PPP1R21: variants seen among roughly 807,000 people sequenced by gnomAD.
PPP1R21 encodes the protein KLRAQ motif containing 1.
A neutral mutation model predicts 112.8 loss-of-function variants in PPP1R21; 85 were observed. The ratio of observed to expected loss-of-function variants is 0.75; its 90% CI spans 0.63 to 0.90. The LOEUF is 0.90. PPP1R21 is among the 40% of genes least tolerant of loss of function. PPP1R21 has a pLI of 0.00. For synonymous variants in PPP1R21, 381 were observed against 322.3 expected, an observed-to-expected ratio of 1.18 and a Z score of -1.95; for missense variants, 1,199 against 901.5, an observed-to-expected ratio of 1.33 and a Z score of -4.23.
intron 18 of PPP1R21, 67 bp from the exon 19 acceptor site, chr2:48,507,202 T>TG: frequency 1.5e-6 from 2 of 1,369,342 alleles, no homozygotes; most frequent in Non-Finnish European, 1.9e-6. Context: ...CTTTTTTTTT[T>TG]TTTTTTTCTA....
intron 19 of PPP1R21, among the ~76,000 whole-genome samples, chr2:48,507,768 T>TTTTTTTTTTTTTTTTG (rs1670452334): frequency 8.4e-6 from 1 of 119,556 alleles, no homozygotes. Context: ...TTTTTTTTTT[T>TTTTTTTTTTTTTTTTG]TTTTTTTTTT....
chr2:48,466,209 G>GTT (rs973234791), intron 9 of PPP1R21, among the ~76,000 whole-genome samples: 2 of 145,566 alleles, frequency 1.4e-5, no homozygotes, highest in Non-Finnish European at 1.5e-5. Context: ...TATCAGGGAG[G>GTT]TTTTTTTTTT....
At chr2:48,463,975 G>T (rs1295193691) in intron 7 of PPP1R21, among the ~76,000 whole-genome samples, 1 of 152,134 alleles carries the variant, frequency 6.6e-6, no homozygotes, top group Non-Finnish European at 1.5e-5. Flanking sequence ...TAGATGCCAT[G>T]GGAAATAAAA....
chr2:48,467,712 T>G (rs1177661584), intron 9 of PPP1R21, among the ~76,000 whole-genome samples: 1 of 152,224 alleles, frequency 6.6e-6, no homozygotes, highest in Non-Finnish European at 1.5e-5. Flanking sequence ...GGTAGTCACG[T>G]ATCATCACTT....
intron 21 of PPP1R21, 44 bp from the exon 22 acceptor site, chr2:48,514,671 T>A: frequency 2.1e-6 from 3 of 1,395,502 alleles, no homozygotes; most frequent in Non-Finnish European, 3.1e-6. Flanking sequence ...GAGTTATTTT[T>A]TTTTATGTTT....
rs370080292 is a variant in PPP1R21, at chr2:48,491,539, C to CA, written c.1599+378dup. 1.9e-4 allele frequency among the ~76,000 whole-genome samples: 12 copies of CA among 63,298 alleles called. No individual in the cohort carries two copies. The East Asian group carries it at 3.7e-3, about 20-fold the overall frequency. 41.5% of individuals were successfully genotyped at this position (63,298 alleles called of 152,430 possible). On this transcript the variant is annotated intron_variant, in intron 15 of 21. Transcript: ENST00000294952. ...TCTGAATAAGAATATGCAGTTGTTGCAAAAAAAAAGAAAAAAAAAAGAGAG... is the reference window on the plus strand; with the variant it reads ...TCTGAATAAGAATATGCAGTTGTTGCAAAAAAAAAAGAAAAAAAAAAGAGAG...
At chr2:48,456,500 C>T (rs565818194) in intron 3 of PPP1R21, among the ~76,000 whole-genome samples, 1 of 152,084 alleles carries the variant, frequency 6.6e-6, no homozygotes, top group Non-Finnish European at 1.5e-5. Context: ...AATTTTTAAC[C>T]TTGTAATCTT....
chr2:48,465,359 G>C, intron 8 of PPP1R21, 134 bp from the exon 9 acceptor site: 1 of 888,774 alleles, frequency 1.1e-6, no homozygotes, highest in South Asian at 2.0e-5. Flanking sequence ...TAAAATTCAA[G>C]TGGGAGCAGA....
intron 9 of PPP1R21, among the ~76,000 whole-genome samples, chr2:48,468,767 A>G (rs1017815183): frequency 2.6e-5 from 4 of 151,984 alleles, no homozygotes; most frequent in Non-Finnish European, 5.9e-5. Context: ...GTGAGCCAAG[A>G]CTGTGCCACT....
intron 1 of PPP1R21, 51 bp downstream of exon 1, chr2:48,441,061 T>C: frequency 7.3e-7 from 1 of 1,367,194 alleles, no homozygotes. Flanking sequence ...CGGCCTCAGG[T>C]TGCCGTGGCA....
intron 17 of PPP1R21, among the ~76,000 whole-genome samples, chr2:48,504,709 G>A (rs1248966199): frequency 6.6e-6 from 1 of 152,184 alleles, no homozygotes; most frequent in Non-Finnish European, 1.5e-5. Context: ...CATTGACACT[G>A]AGTTTCCAGT....
Position 48,486,699 on chromosome 2 carries a change from A to C in PPP1R21, c.1387A>C (p.Ile463Leu). 6.2e-7 allele frequency: 1 copy of C among 1,614,000 alleles called. No homozygotes were observed. Among genetic ancestry groups the C allele is most frequent in the Non-Finnish European group, 8.5e-7 (1 of 1,179,884 alleles). Reference sequence around the variant, plus strand: ...ACTTCCAACAGCAACACAGAAGCTGATAACAACTAATGACTGTATCCTGTC... The same window carrying C: ...ACTTCCAACAGCAACACAGAAGCTGCTAACAACTAATGACTGTATCCTGTC... ...HELPTATQKL[I>L]TTNDCILSSV... The change falls in exon 14 of 22, where the codon ATA becomes CTA. Residue 463 changes from isoleucine to leucine, a missense_variant. By Grantham distance (5) the Ile-to-Leu change is conservative (BLOSUM62 2). Transcript: ENST00000294952.
At chr2:48,506,473 A>C (rs545162380) in intron 18 of PPP1R21, among the ~76,000 whole-genome samples, 23 of 152,342 alleles carry the variant, frequency 1.5e-4, no homozygotes, top group African/African-American at 5.0e-4. Flanking sequence ...TGGTTAATAT[A>C]GTTCAAGTAA....
At chr2:48,478,639 A>G (rs1457406665) in intron 12 of PPP1R21, among the ~76,000 whole-genome samples, 1 of 152,224 alleles carries the variant, frequency 6.6e-6, no homozygotes, top group Non-Finnish European at 1.5e-5. Flanking sequence ...GACCTAGTGT[A>G]CACCTAGCAG....
At chr2:48,467,494 G>A (rs1668257790) in intron 9 of PPP1R21, among the ~76,000 whole-genome samples, 1 of 152,202 alleles carries the variant, frequency 6.6e-6, no homozygotes, top group Non-Finnish European at 1.5e-5. Flanking sequence ...CTCTCATAAG[G>A]TTTCAGTCAG....
intron 12 of PPP1R21, among the ~76,000 whole-genome samples, chr2:48,475,807 A>G (rs1572860782): frequency 6.6e-6 from 1 of 152,078 alleles, no homozygotes; most frequent in Non-Finnish European, 1.5e-5. Context: ...AGATCGTGCC[A>G]TTGCGCTCCA....
Position 48,514,745 on chromosome 2 carries a change from T to A in PPP1R21, c.*1T>A, listed in dbSNP as rs756993146. 5.0e-6 allele frequency: 8 copies of A among 1,612,580 alleles called. No homozygotes were observed. Among genetic ancestry groups the A allele is most frequent in the Middle Eastern group, 1.9e-4 (1 of 5,232 alleles). On this transcript the variant is annotated 3_prime_UTR_variant, in exon 22 of 22. Transcript: ENST00000294952. ...TTCTAAAAAGAACAAGAGTCGATAG[T>A]TTTGAAATAGCTGGTTGGCGACTGT... is the stretch of plus-strand genomic sequence containing the variant.
chr2:48,506,262 T>C (rs1670369041), intron 18 of PPP1R21, among the ~76,000 whole-genome samples: 1 of 152,144 alleles, frequency 6.6e-6, no homozygotes, highest in African/African-American at 2.4e-5. Flanking sequence ...TCCAGCTAAT[T>C]TTTGTACTTC....
rs1183934173 is a variant in PPP1R21, at chr2:48,451,007, G to C, written c.58-1G>C. On this transcript the variant is annotated splice_acceptor_variant, in intron 1 of 21. Coordinates refer to ENST00000294952, the MANE Select transcript of PPP1R21 (RefSeq NM_001135629.3). LOFTEE classifies it high-confidence loss of function. ...TTGATTATTGCTTTCTCTGTTTTCA[G>C]CTTCGGGCTCAGAATCAGGTTCTGA... 1.2e-6 allele frequency: 2 copies of C among 1,613,186 alleles called. No homozygotes were observed. Among genetic ancestry groups the C allele is most frequent in the East Asian group, 2.2e-5 (1 of 44,832 alleles).
Sources: gnomAD v4.1 joint callset for allele counts (sites outside exome capture counted in the v4.1 genomes callset) on GRCh38, gnomAD v4.1.1 for gene constraint, MANE v1.5 for transcripts, NCBI Gene and HGNC (gene_info 2026-07-23, HGNC 2026-07-21) for gene names.